Variants in ZNF33A observed in about 807,000 individuals in gnomAD.
ZNF33A encodes zinc finger protein 33A.
ZNF33A carries 9 observed loss-of-function variants against 15.9 expected under a neutral mutation model. The ratio of observed to expected loss-of-function variants is 0.57; its 90% CI spans 0.34 to 0.99. The LOEUF (loss-of-function observed/expected upper bound fraction) is 0.99, where lower values mean the gene tolerates loss of function less well. Ranked by LOEUF, ZNF33A falls within the 50% of genes least tolerant of loss-of-function variation. The pLI is 0.02. For synonymous variants in ZNF33A, 294 were observed against 324.2 expected (o/e 0.91, Z 1.00); for missense variants, 843 against 941.6 (o/e 0.90, Z 1.37).
intron 4 of ZNF33A, among the ~76,000 whole-genome samples, chr10:38,023,472 C>A (rs979726739): frequency 6.6e-6 from 1 of 152,050 alleles, no homozygotes; most frequent in Non-Finnish European, 1.5e-5. Flanking sequence ...ATTCAGAAAT[C>A]GATCAATGTA....
chr10:38,060,570 A>G (rs990678537), downstream of ZNF33A, among the ~76,000 whole-genome samples: 10 of 152,100 alleles, frequency 6.6e-5, no homozygotes, highest in South Asian at 4.2e-4. Context: ...GTGACTGACA[A>G]ACTCACCTAG....
chr10:38,041,269 C>T (rs551390028), intron 4 of ZNF33A, among the ~76,000 whole-genome samples: 1 of 151,728 alleles, frequency 6.6e-6, no homozygotes, highest in Non-Finnish European at 1.5e-5. Flanking sequence ...CTCCTCCCCA[C>T]CCCTCCAAGT....
At chr10:38,032,122 T>TA (rs961082803) in intron 4 of ZNF33A, among the ~76,000 whole-genome samples, 20 of 150,454 alleles carry the variant, frequency 1.3e-4, no homozygotes, top group East Asian at 2.0e-4. Context: ...ACACAGACAA[T>TA]AAAAAAAAAT....
chr10:38,052,991 A>G (rs1196786717), intron 4 of ZNF33A, among the ~76,000 whole-genome samples: 1 of 151,470 alleles, frequency 6.6e-6, no homozygotes, highest in African/African-American at 2.4e-5. Flanking sequence ...TTATAATTTT[A>G]TTTATTTATT....
chr10:38,020,774 G>A (rs1466003106), intron 4 of ZNF33A, among the ~76,000 whole-genome samples: 2 of 152,114 alleles, frequency 1.3e-5, no homozygotes, highest in Admixed American at 1.3e-4. Flanking sequence ...CTTAGCTCTT[G>A]TGAACAGTGC....
chr10:38,021,372 T>G lies in ZNF33A; in HGVS notation c.250+3986T>G, dbSNP rs532882431. ...AAAGAGAAAAGCACATTTTTAATTG[T>G]ATTTGGAAAATTCATCACTTCACTG... On this transcript the variant is annotated intron_variant, in intron 4 of 4. Transcript: ENST00000432900. 2.4e-4 allele frequency among the ~76,000 whole-genome samples: 9 copies of G among 37,316 alleles called. No individual in the cohort carries two copies. In the South Asian group the frequency reaches 0.01, roughly 42 times the overall value. The allele number at this position is 37,316 out of a possible 152,430, so 24.5% of individuals were successfully genotyped here.
At chr10:38,066,482 G>A (rs866950767), downstream of ZNF33A, among the ~76,000 whole-genome samples, 34 of 151,940 alleles carry the variant, frequency 2.2e-4, no homozygotes, top group Admixed American at 4.6e-4. Context: ...TTGAATTCCT[G>A]ACCTCGTGAT....
chr10:38,019,254 C>T (rs2738210), intron 4 of ZNF33A, among the ~76,000 whole-genome samples: 3 of 151,530 alleles, frequency 2.0e-5, no homozygotes, highest in Non-Finnish European at 2.9e-5. Context: ...TTTGGCTTTG[C>T]GATAGTTTGC....
At chr10:38,013,112 T>A (rs1374791553) in intron 2 of ZNF33A, among the ~76,000 whole-genome samples, 4 of 152,284 alleles carry the variant, frequency 2.6e-5, no homozygotes, top group African/African-American at 9.6e-5. Context: ...ATTTTAATTT[T>A]AATTTTTTTA....
intron 4 of ZNF33A, among the ~76,000 whole-genome samples, chr10:38,038,615 C>T (rs1027120522): frequency 3.9e-5 from 6 of 152,152 alleles, no homozygotes; most frequent in Non-Finnish European, 7.3e-5. Context: ...CTAGAATCTC[C>T]TGTGTGATGT....
chr10:38,016,792 C>T (rs2064468627), intron 2 of ZNF33A, 79 bp from the exon 3 acceptor site: 1 of 1,500,394 alleles, frequency 6.7e-7, no homozygotes, highest in Admixed American at 2.3e-5. Context: ...TAAAACAAAA[C>T]AATATTCTGT....
chr10:38,062,644 G>A (rs990099376), downstream of ZNF33A, among the ~76,000 whole-genome samples: 2 of 152,146 alleles, frequency 1.3e-5, no homozygotes, highest in African/African-American at 4.8e-5. Flanking sequence ...GGAGTTCAAG[G>A]CTGCAGTGAG....
rs763237704 is a variant in ZNF33A, at chr10:38,054,996, C to T, written c.872C>T (p.Ser291Phe). 23 of 1,613,978 alleles carry T rather than the reference C, an allele frequency of 1.4e-5. No individual in the cohort carries two copies. The East Asian group carries it at 5.1e-4, about 36-fold the overall frequency. The part of the protein sequence containing the change: ...EKFLCVKSTL[S>F]KPHGVSMKHY... ...TTCTTATGTGTGAAGTCCACCCTTT[C>T]TAAACCTCATGGGGTATCTATGAAA... The change falls in exon 5 of 5, where the codon TCT (serine) becomes TTT (phenylalanine). Residue 291 changes from serine to phenylalanine, a missense_variant. Coordinates refer to ENST00000432900, the MANE Select transcript of ZNF33A (RefSeq NM_006954.2).
At chr10:38,022,751 TA>T (rs2064811770) in intron 4 of ZNF33A, among the ~76,000 whole-genome samples, 1 of 151,444 alleles carries the variant, frequency 6.6e-6, no homozygotes, top group African/African-American at 2.4e-5. Context: ...GTGATATAGA[TA>T]ATTTGAATGA....
At chr10:38,044,699 G>A (rs1391082481) in intron 4 of ZNF33A, among the ~76,000 whole-genome samples, 1 of 150,502 alleles carries the variant, frequency 6.6e-6, no homozygotes, top group Non-Finnish European at 1.5e-5. Flanking sequence ...TGACAGTCTC[G>A]CTCTGTCACC....
chr10:38,037,052 G>T (rs1194104622), intron 4 of ZNF33A, among the ~76,000 whole-genome samples: 1 of 152,012 alleles, frequency 6.6e-6, no homozygotes, highest in East Asian at 1.9e-4. Flanking sequence ...TATTGTCTTT[G>T]TTCTTGGTAG....
downstream of ZNF33A, among the ~76,000 whole-genome samples, chr10:38,063,151 C>T (rs751314757): frequency 6.6e-6 from 1 of 151,934 alleles, no homozygotes; most frequent in Non-Finnish European, 1.5e-5. Context: ...AACAGACTGG[C>T]ATCTTTGCAG....
chr10:38,048,299 C>G (rs908029097), intron 4 of ZNF33A, among the ~76,000 whole-genome samples: 2 of 152,012 alleles, frequency 1.3e-5, no homozygotes, highest in African/African-American at 4.8e-5. Flanking sequence ...AAAATAACAT[C>G]AAATGTATTG....
chr10:38,041,171 C>T (rs1338378957), intron 4 of ZNF33A, among the ~76,000 whole-genome samples: 1 of 151,512 alleles, frequency 6.6e-6, no homozygotes, highest in East Asian at 1.9e-4. Flanking sequence ...GTTTTGTTAC[C>T]CAGACATAGC....
Sources: gnomAD v4.1 joint callset for allele counts (sites outside exome capture counted in the v4.1 genomes callset) on GRCh38, gnomAD v4.1.1 for gene constraint, MANE v1.5 for transcripts, NCBI Gene and HGNC (gene_info 2026-07-23, HGNC 2026-07-21) for gene names.